The following SON variants were observed in gnomAD, a reference collection of about 807,000 sequenced individuals.
The protein encoded by SON is protein SON.
In SON, 4 loss-of-function variants were observed where a neutral mutation model predicts 173.3. That is an observed-to-expected ratio of 0.02 (90% CI 0.01 to 0.05). The LOEUF is 0.05. Among genes scored for constraint, SON ranks in the 10% least tolerant of loss-of-function variants. SON has a pLI of 1.00. For missense variants in SON, 2,626 were observed against 3,055.3 expected, an observed-to-expected ratio of 0.86 and a Z score of 3.31; for synonymous variants, 1,190 against 1,105.9, an observed-to-expected ratio of 1.08 and a Z score of -1.51.
At chr21:33,563,869 G>A (rs1345252910) in intron 6 of SON, among the ~76,000 whole-genome samples, 1 of 152,176 alleles carries the variant, frequency 6.6e-6, no homozygotes, top group African/African-American at 2.4e-5. Context: ...CTTTCTTGCT[G>A]AGGGAGAGAG....
intron 6 of SON, among the ~76,000 whole-genome samples, chr21:33,565,420 G>T (rs2086148785): frequency 6.6e-6 from 1 of 152,158 alleles, no homozygotes; most frequent in African/African-American, 2.4e-5. Context: ...AGGTTAATGA[G>T]ACAGTACTTG....
chr21:33,546,267 C>T lies in SON; in HGVS notation c.132C>T (p.Asn44=). 1 of 1,613,750 alleles carries T rather than the reference C, an allele frequency of 6.2e-7. No homozygotes were observed. Among genetic ancestry groups the T allele is most frequent in the South Asian group, 1.1e-5 (1 of 91,042 alleles). ...AAACAAATACACCCATTGAAGGAAA[C>T]CAGGCGGGTGATGCAGCTGCCTCTG... ...NGETNTPIEG[N]QAGDAAASAR... Residue 44 remains asparagine (N), a synonymous_variant, in exon 2 of 12, where the codon AAC becomes AAT. Coordinates refer to ENST00000356577, the MANE Select transcript of SON (RefSeq NM_138927.4).
rs747507919 is a variant in SON at position 33,549,594 on chromosome 21, G to T, written c.363G>T (p.Lys121Asn). 6.3e-7 allele frequency: 1 copy of T among 1,589,778 alleles called. No homozygotes were observed. Among genetic ancestry groups the T allele is most frequent in the Non-Finnish European group, 8.5e-7 (1 of 1,173,194 alleles). ...AGCACAAAAACAAAAAGAAGAAAAA[G>T]AAGAAAGAAAAGGAAAAAAAATATA... Reference protein sequence around the residue: ...HKKHKNKKKKKKKEKEKKYKR... With the variant: ...HKKHKNKKKKNKKEKEKKYKR... The change falls in exon 3 of 12, where the codon AAG becomes AAT. Residue 121 changes from lysine to asparagine, a missense_variant. Lys to Asn is a moderately conservative substitution (Grantham distance 94). Transcript: ENST00000356577.
At chr21:33,567,114 G>A (rs760809214) in intron 6 of SON, 43 bp from the exon 7 acceptor site, 26 of 1,150,546 alleles carry the variant, frequency 2.3e-5, no homozygotes, top group South Asian at 2.7e-5. Flanking sequence ...GAATTTAGGG[G>A]ACTATGGTAA....
chr21:33,557,208 T>C lies in SON; in HGVS notation c.6213T>C (p.Ala2071=). ...IAKANAAAMC[A]KAGVPLPPNL... Reference sequence around the variant, plus strand: ...AAGCTAATGCAGCTGCCATGTGTGCTAAGGCTGGTGTCCCTTTACCACCAA... The same window carrying C: ...AAGCTAATGCAGCTGCCATGTGTGCCAAGGCTGGTGTCCCTTTACCACCAA... The change falls in exon 4 of 12, where the codon GCT becomes GCC. Residue 2071 remains alanine, a synonymous_variant. Transcript: ENST00000356577. 6.2e-7 allele frequency: 1 copy of C among 1,613,290 alleles called. No homozygotes were observed. The highest frequency in any genetic ancestry group is 1.3e-5 in the African/African-American group (1 of 74,806).
chr21:33,565,057 A>C (rs2086142112), intron 6 of SON, among the ~76,000 whole-genome samples: 1 of 152,196 alleles, frequency 6.6e-6, no homozygotes, highest in South Asian at 2.1e-4. Context: ...TCATGAGTTT[A>C]ATATGAAACA....
intron 1 of SON, 33 bp from the exon 2 acceptor site, chr21:33,546,178 AAT>A: frequency 6.4e-7 from 1 of 1,558,782 alleles, no homozygotes; most frequent in Non-Finnish European, 8.7e-7. Context: ...GGTATGATAA[AAT>A]ATTAATGAAT....
chr21:33,552,563 A>G lies in SON; in HGVS notation c.3332A>G (p.Asp1111Gly). 6.2e-7 allele frequency: 1 copy of G among 1,613,996 alleles called. No individual in the cohort carries two copies. The highest frequency in any genetic ancestry group is 8.5e-7 in the Non-Finnish European group (1 of 1,180,004). The change falls in exon 3 of 12, where the codon GAC becomes GGC. Residue 1111 changes from aspartate (D) to glycine (G), a missense_variant. Physicochemically the swap from Asp to Gly is moderately conservative, Grantham distance 94. Coordinates refer to ENST00000356577, the MANE Select transcript of SON (RefSeq NM_138927.4). This position sits in a 1 kb window ranked among gnomAD's most constrained non-coding sequence, Gnocchi z 5.6. ...ATGATGTCATCGTACTCTGCAGCTG[A>G]CCGATCTATGATGTCATCTTATACT... is the stretch of plus-strand genomic sequence containing the variant. ...RSMMSSYSAA[D>G]RSMMSSYTAD...
chr21:33,548,746 A>G (rs1307169320), intron 2 of SON, among the ~76,000 whole-genome samples: 1 of 152,256 alleles, frequency 6.6e-6, no homozygotes, highest in East Asian at 1.9e-4. Flanking sequence ...CTTCCTGTAT[A>G]AACAAGGGTT....
At chr21:33,557,107 A>C (rs369792937) in intron 3 of SON, 49 bp from the exon 4 acceptor site, 8 of 1,555,536 alleles carry the variant, frequency 5.1e-6, no homozygotes, top group East Asian at 4.5e-5. Flanking sequence ...GGTAATACAA[A>C]ATGTACAGTC....
At position 33,547,278 on chromosome 21, in the gene SON, G is replaced by A. The variant is rs184883650; in HGVS notation, c.244+899G>A. On this transcript the variant is annotated intron_variant, in intron 2 of 11. Transcript: ENST00000356577. ...ATTACAGGCGTGAGCCACCGCGCCC[G>A]GCTTGATTAAGTTTCTTAGTATCAG... is the stretch of plus-strand genomic sequence containing the variant. Among the ~76,000 whole-genome samples, 443 of 152,140 alleles carry A rather than the reference G, an allele frequency of 2.9e-3. 2 individuals are homozygous for A. The highest frequency in any genetic ancestry group is 2.6e-3 in the Non-Finnish European group (180 of 68,016).
At position 33,550,008 on chromosome 21, in the gene SON, A is replaced by G; in HGVS notation, c.777A>G (p.Ser259=). 1 of 1,614,178 alleles carries G rather than the reference A, an allele frequency of 6.2e-7. No homozygotes were observed. The highest frequency in any genetic ancestry group is 1.3e-5 in the African/African-American group (1 of 75,076). ...CTACTACAACACTGGTGTTGAAGTC[A>G]TCTGAGCCAGTTGTAACAATGTCAG... The part of the protein sequence containing the change: ...PVPTTTLVLK[S]SEPVVTMSVE... Residue 259 remains serine, a synonymous_variant, in exon 3 of 12, where the codon TCA becomes TCG. Coordinates refer to ENST00000356577, the MANE Select transcript of SON (RefSeq NM_138927.4).
At chr21:33,567,109 T>C in intron 6 of SON, 48 bp from the exon 7 acceptor site, 1 of 1,096,920 alleles carries the variant, frequency 9.1e-7, no homozygotes, top group Non-Finnish European at 1.4e-6. Flanking sequence ...TTTCAGAATT[T>C]AGGGGACTAT....
Position 33,553,915 on chromosome 21 carries a change from G to A in SON, c.4684G>A (p.Gly1562Ser), listed in dbSNP as rs748189157. ...TGGTACTAGTCCTGTTGGGGAAATTGGTGAAGAGAAAATTTTGCCCACCAG... is the reference window on the plus strand; with the variant it reads ...TGGTACTAGTCCTGTTGGGGAAATTAGTGAAGAGAAAATTTTGCCCACCAG... Reference protein sequence around the residue: ...AAGTSPVGEIGEEKILPTSET... With the variant: ...AAGTSPVGEISEEKILPTSET... The change falls in exon 3 of 12, where the codon GGT becomes AGT. Residue 1562 changes from glycine (G) to serine (S), a missense_variant. By Grantham distance (56) the Gly-to-Ser change is moderately conservative. Around this residue, in one of 13 missense-constraint regions of SON, gnomAD observed 1,006 missense variants for 895.6 expected, o/e 1.12. Transcript: ENST00000356577. 10 of 1,614,058 alleles carry A rather than the reference G, an allele frequency of 6.2e-6. No individual in the cohort carries two copies. The Admixed American group carries it at 1.3e-4, about 22-fold the overall frequency.
chr21:33,553,221 G>A lies in SON; in HGVS notation c.3990G>A (p.Leu1330=), dbSNP rs779012291. 6.2e-7 allele frequency: 1 copy of A among 1,614,152 alleles called. No individual in the cohort carries two copies. Among genetic ancestry groups the A allele is most frequent in the Non-Finnish European group, 8.5e-7 (1 of 1,180,040 alleles). ...HVASEVSTSL[L]VPAVTTPVLA... is the part of the protein sequence containing the mutation. ...CCTCAGAAGTATCTACATCCTTGTTGGTTCCAGCAGTAACTACTCCAGTGC... is the reference window on the plus strand; with the variant it reads ...CCTCAGAAGTATCTACATCCTTGTTAGTTCCAGCAGTAACTACTCCAGTGC... The change falls in exon 3 of 12, where the codon TTG becomes TTA. Residue 1330 remains leucine, a synonymous_variant. Transcript: ENST00000356577.
intron 6 of SON, among the ~76,000 whole-genome samples, chr21:33,562,662 C>G (rs951307384): frequency 6.6e-6 from 1 of 152,206 alleles, no homozygotes; most frequent in African/African-American, 2.4e-5. Flanking sequence ...TACTCAGAAA[C>G]CAGCCAGCAT....
chr21:33,554,061 G>C lies in SON; in HGVS notation c.4830G>C (p.Lys1610Asn). ...AACCTGATGCAACAGGAACTAGTAA[G>C]GGTATTGAATTTACCACAGCATCTA... ...ALEPDATGTSKGIEFTTASTL... is the reference protein window; with the variant it reads ...ALEPDATGTSNGIEFTTASTL... Residue 1610 changes from lysine (K) to asparagine (N), a missense_variant, in exon 3 of 12, where the codon AAG becomes AAC. By Grantham distance (94) the Lys-to-Asn change is moderately conservative (BLOSUM62 0). Transcript: ENST00000356577. 1 of 1,614,068 alleles carries C rather than the reference G, an allele frequency of 6.2e-7. No homozygotes were observed. Among genetic ancestry groups the C allele is most frequent in the South Asian group, 1.1e-5 (1 of 91,074 alleles).
At chr21:33,543,645 A>G (rs2085528364) in intron 1 of SON, among the ~76,000 whole-genome samples, 1 of 152,190 alleles carries the variant, frequency 6.6e-6, no homozygotes, top group South Asian at 2.1e-4. Context: ...CGAGCTTCAG[A>G]CCGCTTGGGG....
intron 6 of SON, among the ~76,000 whole-genome samples, 155 bp from the exon 7 acceptor site, chr21:33,567,002 T>G (rs1427107443): frequency 6.6e-6 from 1 of 152,212 alleles, no homozygotes; most frequent in Non-Finnish European, 1.5e-5. Flanking sequence ...CCAAGATTAC[T>G]TTCTCTTTCT....
Sources: gnomAD v4.1 joint callset for allele counts (sites outside exome capture counted in the v4.1 genomes callset) on GRCh38, gnomAD v4.1.1 for gene constraint, gnomAD v4.1.1 regional missense constraint, Gnocchi (gnomAD v3.1) non-coding constraint, MANE v1.5 for transcripts, NCBI Gene and HGNC (gene_info 2026-07-23, HGNC 2026-07-21) for gene names.